The following SH3PXD2A variants were observed in gnomAD, a reference collection of about 807,000 sequenced individuals.
SH3PXD2A encodes SH3 and PX domain-containing protein 2A.
SH3PXD2A carries 32 observed loss-of-function variants against 115.2 expected under a neutral mutation model. The observed-to-expected ratio is 0.28, with a 90% CI of 0.21 to 0.37. SH3PXD2A has a LOEUF of 0.37. SH3PXD2A is among the 10% of genes least tolerant of loss of function. SH3PXD2A has a pLI of 1.00. For missense variants in SH3PXD2A, 1,328 were observed against 1,498.7 expected, an observed-to-expected ratio of 0.89 and a Z score of 1.88; for synonymous variants, 610 against 629.1, an observed-to-expected ratio of 0.97 and a Z score of 0.45.
intron 11 of SH3PXD2A, 112 bp from the exon 12 acceptor site, chr10:103,613,302 TG>T (rs1247831157): frequency 1.2e-6 from 1 of 803,048 alleles, no homozygotes; most frequent in Non-Finnish European, 1.9e-6. Context: ...TACCATGTTC[TG>T]CAAGGCTTGG....
intron 2 of SH3PXD2A, among the ~76,000 whole-genome samples, chr10:103,793,297 T>C (rs1387975797): frequency 2.0e-5 from 3 of 152,214 alleles, no homozygotes; most frequent in African/African-American, 7.2e-5. Flanking sequence ...ATATGCTGGA[T>C]ATGTACCTGC....
chr10:103,613,889 T>C (rs2036468604), intron 11 of SH3PXD2A, among the ~76,000 whole-genome samples: 1 of 152,156 alleles, frequency 6.6e-6, no homozygotes, highest in African/African-American at 2.4e-5. Flanking sequence ...AGGTGGATCC[T>C]CTATAGACTG....
At chr10:103,683,542 G>T (rs2037638497) in intron 6 of SH3PXD2A, among the ~76,000 whole-genome samples, 1 of 152,124 alleles carries the variant, frequency 6.6e-6, no homozygotes, top group Non-Finnish European at 1.5e-5. Flanking sequence ...CACACCAGTG[G>T]TTCCACCTAC....
chr10:103,824,264 T>G (rs971873475), intron 1 of SH3PXD2A, among the ~76,000 whole-genome samples: 22 of 152,174 alleles, frequency 1.4e-4, no homozygotes, highest in African/African-American at 5.1e-4. Context: ...TGGGAAGGCA[T>G]GAGGAAGGGC....
intron 8 of SH3PXD2A, among the ~76,000 whole-genome samples, chr10:103,632,960 G>A (rs948755309): frequency 1.8e-4 from 27 of 151,634 alleles, no homozygotes; most frequent in African/African-American, 6.1e-4. Flanking sequence ...GCGACAGAGC[G>A]AGACTCTGTC....
chr10:103,767,123 G>T lies in SH3PXD2A; in HGVS notation c.200C>A (p.Pro67His). ...KFPIEGGQKD[P>H]KQRIIPFLPG... is the part of the protein sequence containing the mutation. ...GAGGAAGGGGATGATCCTTTGCTTG[G>T]GGTCCTTCTGGCCACCTTCAATGGG... Residue 67 changes from proline to histidine, a missense_variant, in exon 3 of 15, where the codon CCC becomes CAC. By Grantham distance (77) the Pro-to-His change is moderately conservative. Transcript: ENST00000369774. 1 of 1,613,980 alleles carries T rather than the reference G, an allele frequency of 6.2e-7. No individual in the cohort carries two copies. Among genetic ancestry groups the T allele is most frequent in the Non-Finnish European group, 8.5e-7 (1 of 1,179,898 alleles).
intron 8 of SH3PXD2A, among the ~76,000 whole-genome samples, chr10:103,636,724 C>A (rs1398397036): frequency 1.3e-5 from 2 of 152,174 alleles, no homozygotes; most frequent in Admixed American, 1.3e-4. Flanking sequence ...GAGGTCACAG[C>A]TCAGCCTAGG....
At chr10:103,822,550 G>GGC (rs1564897886) in intron 1 of SH3PXD2A, among the ~76,000 whole-genome samples, 117 of 152,196 alleles carry the variant, frequency 7.7e-4, no homozygotes, top group African/African-American at 2.7e-3. Flanking sequence ...GGCATGGTGG[G>GGC]GGGGGAGCAG....
At chr10:103,816,566 T>G (rs2039325657) in intron 1 of SH3PXD2A, among the ~76,000 whole-genome samples, 1 of 152,124 alleles carries the variant, frequency 6.6e-6, no homozygotes. Flanking sequence ...GAATGTAAAA[T>G]AGTGCAGCCA....
At chr10:103,803,670 TACATAA>T (rs1239819916) in intron 1 of SH3PXD2A, among the ~76,000 whole-genome samples, 2 of 152,244 alleles carry the variant, frequency 1.3e-5, no homozygotes, top group African/African-American at 4.8e-5. Context: ...TATCTCCCTG[TACATAA>T]ATTTATCTAA....
At chr10:103,835,263 G>A (rs769907098) in intron 1 of SH3PXD2A, among the ~76,000 whole-genome samples, 16 of 152,336 alleles carry the variant, frequency 1.1e-4, no homozygotes, top group African/African-American at 1.7e-4. Flanking sequence ...TGCAGCTTCC[G>A]TGGGATTTCC....
intron 4 of SH3PXD2A, among the ~76,000 whole-genome samples, chr10:103,732,159 C>T (rs189075614): frequency 3.3e-5 from 5 of 152,306 alleles, no homozygotes; most frequent in Admixed American, 2.6e-4. Context: ...CTCTGAACCC[C>T]TCCCTAGAAT....
intron 4 of SH3PXD2A, among the ~76,000 whole-genome samples, chr10:103,732,134 C>T (rs564450263): frequency 5.4e-4 from 83 of 152,330 alleles, no homozygotes; most frequent in Non-Finnish European, 6.2e-4. Context: ...TTCTCAAACA[C>T]TCTCTCACAC....
intron 8 of SH3PXD2A, among the ~76,000 whole-genome samples, chr10:103,652,719 G>A (rs540495205): frequency 2.6e-5 from 4 of 152,328 alleles, no homozygotes; most frequent in African/African-American, 9.6e-5. Flanking sequence ...GGGGAGGGGG[G>A]TGAGAGACCT....
At chr10:103,795,920 A>C (rs1488843875) in intron 2 of SH3PXD2A, among the ~76,000 whole-genome samples, 5 of 114,712 alleles carry the variant, frequency 4.4e-5, no homozygotes, top group Admixed American at 1.9e-4. Context: ...GGAAGGAAGG[A>C]AGGAAGGAAG....
At position 103,600,201 on chromosome 10, in the gene SH3PXD2A, C is replaced by T; in HGVS notation, c.*1615G>A. On this transcript the variant is annotated 3_prime_UTR_variant, in exon 15 of 15. Coordinates refer to ENST00000369774, the MANE Select transcript of SH3PXD2A (RefSeq NM_001394015.1). ...TCAAAGGCACGTGTGGAAATCCACT[C>T]CCAGCGAAGGGGGAGTCCTTGGGGG... 1 of 152,622 alleles carries T rather than the reference C, an allele frequency of 6.6e-6. No homozygotes were observed. Among genetic ancestry groups the T allele is most frequent in the East Asian group, 1.9e-4 (1 of 5,200 alleles). The allele number at this position is 152,622 out of a possible 1,614,324, so 9.5% of individuals were successfully genotyped here. A position where few individuals can be genotyped will look rare whatever the true frequency, so the allele number is the denominator to read the frequency against.
chr10:103,644,037 C>A (rs2036995238), intron 8 of SH3PXD2A, among the ~76,000 whole-genome samples: 1 of 144,686 alleles, frequency 6.9e-6, no homozygotes, highest in Admixed American at 7.3e-5. Flanking sequence ...ATGGTGTGAA[C>A]CACGGACATG....
intron 2 of SH3PXD2A, among the ~76,000 whole-genome samples, chr10:103,769,553 A>G (rs2038797713): frequency 6.7e-6 from 1 of 149,704 alleles, no homozygotes; most frequent in African/African-American, 2.5e-5. Flanking sequence ...GGATCAAGCT[A>G]TTCTCATAGC....
intron 1 of SH3PXD2A, among the ~76,000 whole-genome samples, chr10:103,808,634 C>A (rs939561782): frequency 6.6e-6 from 1 of 152,176 alleles, no homozygotes; most frequent in African/African-American, 2.4e-5. Context: ...ACTAGCCTGG[C>A]GAGTCTGTGA....
Sources: gnomAD v4.1 joint callset for allele counts (sites outside exome capture counted in the v4.1 genomes callset) on GRCh38, gnomAD v4.1.1 for gene constraint, MANE v1.5 for transcripts, NCBI Gene and HGNC (gene_info 2026-07-23, HGNC 2026-07-21) for gene names.